The following NAV2 variants were observed in gnomAD, a reference collection of about 807,000 sequenced individuals.
NAV2 encodes the protein neuron navigator 2.
A neutral mutation model predicts 223.2 loss-of-function variants in NAV2; 54 were observed. The observed-to-expected ratio is 0.24, with a 90% CI of 0.19 to 0.30. The LOEUF is 0.30. NAV2 is among the 10% of genes least tolerant of loss of function. NAV2 has a pLI of 1.00. For missense variants in NAV2, 2,806 were observed against 3,147.5 expected (o/e 0.89, Z 2.60); for synonymous variants, 1,279 against 1,239.3 (o/e 1.03, Z -0.67).
At chr11:19,794,954 G>GA in intron 1 of NAV2, among the ~76,000 whole-genome samples, 1 of 152,212 alleles carries the variant, frequency 6.6e-6, no homozygotes, top group East Asian at 1.9e-4. Context: ...GACAATCATC[G>GA]AAATTAATGA....
At chr11:19,352,001 G>A (rs78704459) in intron 1 of NAV2, among the ~76,000 whole-genome samples, 2,012 of 151,650 alleles carry the variant, frequency 0.013, 21 homozygotes, top group Non-Finnish European at 0.023. Flanking sequence ...GTGTGTGTGT[G>A]TGTGTATGAA....
intron 11 of NAV2, among the ~76,000 whole-genome samples, chr11:19,984,986 C>T (rs1385451092): frequency 6.6e-6 from 1 of 152,180 alleles, no homozygotes; most frequent in Non-Finnish European, 1.5e-5. Flanking sequence ...ATTTCAAATA[C>T]CCTTAATGAT....
intron 1 of NAV2, among the ~76,000 whole-genome samples, chr11:19,743,175 C>A (rs1338866885): frequency 6.6e-6 from 1 of 152,112 alleles, no homozygotes; most frequent in Non-Finnish European, 1.5e-5. Context: ...AGATCCTCAA[C>A]ATTTACTCAT....
chr11:19,491,175 CA>C (rs1172260489), intron 1 of NAV2, among the ~76,000 whole-genome samples: 1 of 152,056 alleles, frequency 6.6e-6, no homozygotes, highest in East Asian at 1.9e-4. Context: ...CTAGGATTTT[CA>C]GGGTAGTAAA....
chr11:19,755,257 A>G (rs1306144062), intron 1 of NAV2, among the ~76,000 whole-genome samples: 2 of 152,252 alleles, frequency 1.3e-5, no homozygotes, highest in African/African-American at 4.8e-5. Flanking sequence ...AACTAAAAAT[A>G]AGAGAATTGG....
chr11:19,382,374 G>A (rs1001353579), intron 1 of NAV2, among the ~76,000 whole-genome samples: 7 of 152,148 alleles, frequency 4.6e-5, no homozygotes, highest in African/African-American at 1.7e-4. Flanking sequence ...AGTGACCTTC[G>A]ACAGCAGCAC....
At chr11:19,808,052 T>A in intron 1 of NAV2, among the ~76,000 whole-genome samples, 1 of 152,198 alleles carries the variant, frequency 6.6e-6, no homozygotes, top group South Asian at 2.1e-4. Flanking sequence ...CTATGCGTCC[T>A]TAAGCAAGTG....
In NAV2 at chr11:20,045,485, C is replaced by T. The variant is rs1464136201; in HGVS notation, c.3717C>T (p.Gly1239=). ...KLREPSKTAL[G]SSLPGLVNQT... ...GGGAGCCTTCCAAAACAGCCCTAGG[C>T]AGCTCTCTACCAGGTCTGGTCAACC... The change falls in exon 14 of 38, where the codon GGC becomes GGT. Residue 1239 remains glycine (G), a synonymous_variant. Transcript: ENST00000349880. 6 of 1,614,050 alleles carry T rather than the reference C, an allele frequency of 3.7e-6. No individual in the cohort carries two copies. The highest frequency in any genetic ancestry group is 5.1e-6 in the Non-Finnish European group (6 of 1,180,036).
At chr11:19,377,150 A>G (rs1025043542) in intron 1 of NAV2, among the ~76,000 whole-genome samples, 1 of 152,190 alleles carries the variant, frequency 6.6e-6, no homozygotes, top group Non-Finnish European at 1.5e-5. Context: ...CAACAGCAAT[A>G]TGAAAGGATT....
intron 3 of NAV2, among the ~76,000 whole-genome samples, chr11:19,861,852 G>C (rs12798177): frequency 0.24 from 36,101 of 152,128 alleles, 5,132 homozygotes; most frequent in Non-Finnish European, 0.32. Flanking sequence ...AGGTATCCTT[G>C]GGCCTTTCTG....
intron 1 of NAV2, among the ~76,000 whole-genome samples, chr11:19,537,797 T>C (rs2044230808): frequency 6.6e-6 from 1 of 152,260 alleles, no homozygotes; most frequent in African/African-American, 2.4e-5. Flanking sequence ...TGCTACTTTA[T>C]TGTGACTTGG....
chr11:19,961,135 T>C (rs2048327042), intron 10 of NAV2, among the ~76,000 whole-genome samples: 1 of 151,826 alleles, frequency 6.6e-6, no homozygotes, highest in African/African-American at 2.4e-5. Flanking sequence ...TTTTATATAG[T>C]GATGGGGTAT....
chr11:19,602,853 C>T (rs1427124284), intron 1 of NAV2, among the ~76,000 whole-genome samples: 1 of 152,086 alleles, frequency 6.6e-6, no homozygotes, highest in African/African-American at 2.4e-5. Flanking sequence ...TAACTTTATA[C>T]CTGCAAAGAT....
intron 1 of NAV2, among the ~76,000 whole-genome samples, chr11:19,781,327 C>G (rs959173125): frequency 1.2e-4 from 18 of 152,178 alleles, no homozygotes; most frequent in African/African-American, 2.9e-4. Flanking sequence ...CTGCAGTTCT[C>G]TCTGTGAGGG....
In NAV2 at chr11:20,113,138, C is replaced by T. The variant is rs114576551; in HGVS notation, c.6961-1454C>T. On this transcript the variant is annotated intron_variant, in intron 36 of 37. Coordinates refer to ENST00000349880, the MANE Select transcript of NAV2 (RefSeq NM_145117.5). ...GACCAAGTGGGCCAAACTAGTGGGCCGTGGAATTGAACATACTTAGTTTCC... is the reference window on the plus strand; with the variant it reads ...GACCAAGTGGGCCAAACTAGTGGGCTGTGGAATTGAACATACTTAGTTTCC... Among the ~76,000 whole-genome samples, 841 of 152,276 alleles carry T rather than the reference C, an allele frequency of 5.5e-3. 7 individuals carry two copies. The highest frequency in any genetic ancestry group is 0.019 in the African/African-American group (808 of 41,562).
intron 1 of NAV2, among the ~76,000 whole-genome samples, chr11:19,734,501 T>G (rs2052098204): frequency 6.6e-6 from 1 of 152,214 alleles, no homozygotes; most frequent in Admixed American, 6.5e-5. Flanking sequence ...CTACAACCGC[T>G]TCCCCTTCCT....
chr11:19,353,130 G>A (rs1223928630), intron 1 of NAV2, among the ~76,000 whole-genome samples: 1 of 152,154 alleles, frequency 6.6e-6, no homozygotes, highest in African/African-American at 2.4e-5. Context: ...GGAGAGCTGG[G>A]AAGTCTCCAC....
intron 20 of NAV2, among the ~76,000 whole-genome samples, chr11:20,066,640 A>T (rs1247278231): frequency 1.3e-5 from 2 of 152,220 alleles, no homozygotes; most frequent in African/African-American, 4.8e-5. Flanking sequence ...CTGCCTACCT[A>T]TTCCAGCTGA....
At chr11:19,361,703 C>T (rs1853957566) in intron 1 of NAV2, among the ~76,000 whole-genome samples, 1 of 152,132 alleles carries the variant, frequency 6.6e-6, no homozygotes. Flanking sequence ...CAATCACTGG[C>T]AGGGCCTGCC....
Sources: allele counts gnomAD v4.1 joint callset (sites outside exome capture counted in the v4.1 genomes callset), GRCh38; gene constraint gnomAD v4.1.1; transcripts MANE v1.5; gene names NCBI Gene and HGNC (gene_info 2026-07-23, HGNC 2026-07-21).